HPCAL1: variants seen among roughly 807,000 people sequenced by gnomAD.
The protein encoded by HPCAL1 is hippocalcin-like protein 1.
HPCAL1 carries 8 observed loss-of-function variants against 17.1 expected under a neutral mutation model. The observed-to-expected ratio is 0.47, with a 90% CI of 0.27 to 0.84. The LOEUF (loss-of-function observed/expected upper bound fraction) is 0.84. HPCAL1 is among the 40% of genes least tolerant of loss of function. HPCAL1 has a pLI of 0.13. For missense variants in HPCAL1, 165 were observed against 271.1 expected, an observed-to-expected ratio of 0.61 and a Z score of 2.75; for synonymous variants, 112 against 111.4, an observed-to-expected ratio of 1.01 and a Z score of -0.03.
At position 10,424,341 on chromosome 2, in the gene HPCAL1, G is replaced by A. The variant is rs564363558; in HGVS notation, c.484+1253G>A. ...CCTGGCGTTGCCTTTGGGCTGATGG[G>A]AAATGTGTGTTCCACCCTCCAGCCT... On this transcript the variant is annotated intron_variant, in intron 4 of 4. Coordinates refer to ENST00000307845, the MANE Select transcript of HPCAL1 (RefSeq NM_002149.4). 4.0e-4 allele frequency: 149 copies of A among 374,304 alleles called. 1 individual carries two copies. The highest frequency in any genetic ancestry group is 2.9e-3 in the African/African-American group (141 of 47,862). The allele number at this position is 374,304 out of a possible 1,614,324, so 23.2% of individuals were successfully genotyped here.
intron 2 of HPCAL1, among the ~76,000 whole-genome samples, chr2:10,415,127 C>T (rs938803251): frequency 3.3e-5 from 5 of 152,176 alleles, no homozygotes; most frequent in Non-Finnish European, 5.9e-5. Context: ...GGACATAGCG[C>T]AGAGTGGGAC....
chr2:10,334,264 C>T (rs1300671150), intron 1 of HPCAL1, among the ~76,000 whole-genome samples: 1 of 151,980 alleles, frequency 6.6e-6, no homozygotes, highest in African/African-American at 2.4e-5. Flanking sequence ...CAGGAGGAGG[C>T]TTGAGGCCTG....
At chr2:10,401,222 T>A (rs1393505287) in intron 2 of HPCAL1, among the ~76,000 whole-genome samples, 2 of 152,076 alleles carry the variant, frequency 1.3e-5, no homozygotes, top group African/African-American at 2.4e-5. Context: ...TGATCTTTGC[T>A]CCCCTTCCCC....
intron 1 of HPCAL1, among the ~76,000 whole-genome samples, chr2:10,370,801 G>C (rs552685280): frequency 7.2e-5 from 11 of 152,210 alleles, no homozygotes; most frequent in Non-Finnish European, 1.5e-4. Context: ...TAGCAACAGC[G>C]TTCTGGGAGG....
chr2:10,372,373 T>C (rs1387270275), intron 1 of HPCAL1, among the ~76,000 whole-genome samples: 1 of 152,102 alleles, frequency 6.6e-6, no homozygotes, highest in Non-Finnish European at 1.5e-5. Flanking sequence ...AAGCACCTAT[T>C]ATGTCCCGGA....
At chr2:10,374,408 C>T (rs1353919875) in intron 1 of HPCAL1, among the ~76,000 whole-genome samples, 2 of 152,038 alleles carry the variant, frequency 1.3e-5, no homozygotes, top group Non-Finnish European at 2.9e-5. Context: ...TTGGCACCTG[C>T]GTTACAAGAT....
intron 1 of HPCAL1, among the ~76,000 whole-genome samples, chr2:10,316,420 T>C (rs1663317355): frequency 6.6e-6 from 1 of 152,212 alleles, no homozygotes; most frequent in Non-Finnish European, 1.5e-5. Context: ...TGATCCTTCT[T>C]TTTCTCTCTG....
intron 1 of HPCAL1, among the ~76,000 whole-genome samples, chr2:10,309,792 C>A (rs1462785135): frequency 6.6e-6 from 1 of 152,128 alleles, no homozygotes; most frequent in African/African-American, 2.4e-5. Context: ...AGGAAGAGAG[C>A]AGAGGATGAG....
At position 10,342,727 on chromosome 2, in the gene HPCAL1, C is replaced by G. The variant is rs1052719783; in HGVS notation, c.-111+39550C>G. Among the ~76,000 whole-genome samples, 1 of 152,168 alleles carries G rather than the reference C, an allele frequency of 6.6e-6. No homozygotes were observed. Among genetic ancestry groups the G allele is most frequent in the South Asian group, 2.1e-4 (1 of 4,826 alleles). The stretch of plus-strand genomic sequence containing the variant: ...GTTGAGTTTTGTTTTGTCACCCAGC[C>G]GGACTCCTGGGCAAAGAGAGGCACA... On this transcript the variant is annotated intron_variant, in intron 1 of 4. Transcript: ENST00000307845. The surrounding 1 kb of genome is among the most constrained non-coding windows in gnomAD (Gnocchi z 4.1).
At chr2:10,403,882 G>A (rs1450791332) in intron 2 of HPCAL1, among the ~76,000 whole-genome samples, 1 of 152,018 alleles carries the variant, frequency 6.6e-6, no homozygotes, top group Non-Finnish European at 1.5e-5. Flanking sequence ...TTTTGACTCG[G>A]ACTTTACAAA....
intron 4 of HPCAL1, 28 bp downstream of exon 4, chr2:10,423,116 T>C: frequency 2.0e-6 from 3 of 1,495,056 alleles, no homozygotes; most frequent in South Asian, 2.3e-5. Context: ...CGGGGCTGCA[T>C]GTGTACGCCA....
intron 1 of HPCAL1, among the ~76,000 whole-genome samples, chr2:10,313,075 G>A (rs1041925647): frequency 6.6e-6 from 1 of 152,226 alleles, no homozygotes; most frequent in African/African-American, 2.4e-5. Context: ...GATGAGTATA[G>A]GCATAGAGAA....
chr2:10,407,804 T>G (rs569320776), intron 2 of HPCAL1, among the ~76,000 whole-genome samples: 1 of 152,324 alleles, frequency 6.6e-6, no homozygotes, highest in East Asian at 1.9e-4. Context: ...CTTCTCTGAC[T>G]GGGACAAATG....
intron 1 of HPCAL1, among the ~76,000 whole-genome samples, chr2:10,340,855 C>T (rs548771882): frequency 7.2e-5 from 11 of 152,294 alleles, no homozygotes; most frequent in South Asian, 2.1e-4. Context: ...TACTGCCCTC[C>T]GGGTAAGACA....
At chr2:10,340,184 G>A (rs1410013738) in intron 1 of HPCAL1, among the ~76,000 whole-genome samples, 2 of 152,204 alleles carry the variant, frequency 1.3e-5, no homozygotes, top group African/African-American at 4.8e-5. Context: ...AGACCCAAGG[G>A]TGCACTTCAG....
At chr2:10,402,513 T>C (rs1282245594) in intron 2 of HPCAL1, among the ~76,000 whole-genome samples, 1 of 152,186 alleles carries the variant, frequency 6.6e-6, no homozygotes, top group East Asian at 1.9e-4. Flanking sequence ...GTCAGAGGCC[T>C]GGGTGATCAT....
intron 1 of HPCAL1, among the ~76,000 whole-genome samples, chr2:10,350,890 G>T (rs374190390): frequency 1.3e-5 from 2 of 152,140 alleles, no homozygotes; most frequent in East Asian, 3.9e-4. Flanking sequence ...TATCCAGTAA[G>T]ACTGCTAGAA....
At chr2:10,325,729 G>T (rs967578508) in intron 1 of HPCAL1, among the ~76,000 whole-genome samples, 11 of 152,236 alleles carry the variant, frequency 7.2e-5, no homozygotes, top group African/African-American at 2.4e-4. Flanking sequence ...ACAGCTGCAG[G>T]TGCTTCATCT....
intron 1 of HPCAL1, chr2:10,324,515 A>G (rs536172331): frequency 5.3e-5 from 8 of 152,286 alleles, no homozygotes; most frequent in African/African-American, 1.7e-4. Context: ...CTGTGAGTAT[A>G]TTGTGGCCAT....
Sources: allele counts gnomAD v4.1 joint callset (sites outside exome capture counted in the v4.1 genomes callset), GRCh38; gene constraint gnomAD v4.1.1; non-coding constraint Gnocchi (gnomAD v3.1); transcripts MANE v1.5; gene names NCBI Gene and HGNC (gene_info 2026-07-23, HGNC 2026-07-21).